The following FAM13C variants were observed in gnomAD, a reference collection of about 807,000 sequenced individuals.
The protein encoded by FAM13C is family with sequence similarity 13 member C.
FAM13C carries 37 observed loss-of-function variants against 73.2 expected under a neutral mutation model. The ratio of observed to expected loss-of-function variants is 0.51; its 90% CI spans 0.39 to 0.67. FAM13C has a LOEUF of 0.67. FAM13C is among the 30% of genes least tolerant of loss of function. The pLI is 0.00. For missense variants in FAM13C, 589 were observed against 715.6 expected (o/e 0.82, Z 2.02); for synonymous variants, 246 against 260.9 (o/e 0.94, Z 0.55).
chr10:59,317,126 ATGTGTGTGTG>A (rs5785374), intron 4 of FAM13C, among the ~76,000 whole-genome samples: 1 of 149,306 alleles, frequency 6.7e-6, no homozygotes, highest in African/African-American at 2.5e-5. Context: ...ACTATACATA[ATGTGTGTGTG>A]TGTGTGTGTG....
At chr10:59,301,735 T>A (rs1847627086) in intron 5 of FAM13C, among the ~76,000 whole-genome samples, 1 of 152,226 alleles carries the variant, frequency 6.6e-6, no homozygotes, top group Admixed American at 6.5e-5. Context: ...AAACTCTTTT[T>A]CACTCACTAC....
intron 3 of FAM13C, among the ~76,000 whole-genome samples, chr10:59,327,392 C>T (rs957412156): frequency 6.6e-6 from 1 of 152,132 alleles, no homozygotes; most frequent in East Asian, 1.9e-4. Context: ...GTATTTGCCT[C>T]TATAAGAGAT....
chr10:59,302,385 T>C lies in FAM13C; in HGVS notation c.507+416A>G, dbSNP rs558784175. On this transcript the variant is annotated intron_variant, in intron 5 of 13. Transcript: ENST00000618804. ...GAAAATCACATTGCAAACACTAAAC[T>C]ATATCATTCTTAGTGGATAAACAGT... 2.6e-5 allele frequency among the ~76,000 whole-genome samples: 4 copies of C among 152,360 alleles called. No homozygotes were observed. In the East Asian group the frequency reaches 7.7e-4, roughly 29 times the overall value.
At chr10:59,351,256 C>G (rs190435752) in intron 3 of FAM13C, among the ~76,000 whole-genome samples, 3 of 149,728 alleles carry the variant, frequency 2.0e-5, no homozygotes, top group African/African-American at 7.4e-5. Flanking sequence ...TCACTTGAAC[C>G]CGGCGGTGGA....
At chr10:59,288,180 A>G (rs1236193912) in intron 5 of FAM13C, among the ~76,000 whole-genome samples, 1 of 152,148 alleles carries the variant, frequency 6.6e-6, no homozygotes, top group Non-Finnish European at 1.5e-5. Flanking sequence ...TAATGCCATG[A>G]CCCAGTTATG....
intron 6 of FAM13C, among the ~76,000 whole-genome samples, chr10:59,280,833 T>C (rs148680003): frequency 6.6e-6 from 1 of 152,202 alleles, no homozygotes; most frequent in South Asian, 2.1e-4. Context: ...TAAACCCAAG[T>C]TAAAGCCAAT....
intron 3 of FAM13C, among the ~76,000 whole-genome samples, chr10:59,337,788 TC>T (rs1379443138): frequency 2.7e-5 from 4 of 147,402 alleles, no homozygotes; most frequent in African/African-American, 7.5e-5. Context: ...CAAGCAATTC[TC>T]CTGCCTCGGC....
chr10:59,362,541 C>T lies in FAM13C; in HGVS notation c.-81G>A, dbSNP rs1424907526. 1 of 1,572,504 alleles carries T rather than the reference C, an allele frequency of 6.4e-7. No individual in the cohort carries two copies. The highest frequency in any genetic ancestry group is 8.6e-7 in the Non-Finnish European group (1 of 1,158,090). ...CATACACAAACATGGCATTGCAAGG[C>T]AAGTCTCCGGGCTCGCCCGGCACGC... On this transcript the variant is annotated 5_prime_UTR_variant, in exon 1 of 14. Coordinates refer to ENST00000618804, the MANE Select transcript of FAM13C (RefSeq NM_198215.4).
intron 12 of FAM13C, among the ~76,000 whole-genome samples, chr10:59,252,447 A>C (rs1841485964): frequency 6.6e-6 from 1 of 152,088 alleles, no homozygotes; most frequent in Non-Finnish European, 1.5e-5. Flanking sequence ...ATTAAATTAA[A>C]TCTCATAATC....
At chr10:59,348,691 T>G (rs559016433) in intron 3 of FAM13C, among the ~76,000 whole-genome samples, 1 of 152,312 alleles carries the variant, frequency 6.6e-6, no homozygotes, top group East Asian at 1.9e-4. Context: ...CAGGCTGAAG[T>G]GCAGTGGCAT....
intron 5 of FAM13C, among the ~76,000 whole-genome samples, chr10:59,287,860 C>T (rs1845783616): frequency 6.6e-6 from 1 of 152,216 alleles, no homozygotes; most frequent in Non-Finnish European, 1.5e-5. Context: ...GGCCATGTGG[C>T]AAGGCTGTAC....
chr10:59,246,983 A>G lies in FAM13C; in HGVS notation c.*631T>C, dbSNP rs1030317096. The G allele has an allele frequency of 1.5e-4, 30 of 206,034 alleles. No homozygotes were observed. The highest frequency in any genetic ancestry group is 6.9e-4 in the African/African-American group (30 of 43,662). 12.8% of individuals were successfully genotyped at this position (206,034 alleles called of 1,614,324 possible). A position where few individuals can be genotyped will look rare whatever the true frequency, so the allele number is the denominator to read the frequency against. The stretch of plus-strand genomic sequence containing the variant: ...ACATGCTATCAGAATGAACTTTGGT[A>G]ACCAGAAATGTAAAATTTCAAATAA... On this transcript the variant is annotated 3_prime_UTR_variant, in exon 14 of 14. Coordinates refer to ENST00000618804, the MANE Select transcript of FAM13C (RefSeq NM_198215.4).
chr10:59,336,452 C>T (rs2134140657), intron 3 of FAM13C, among the ~76,000 whole-genome samples: 1 of 152,292 alleles, frequency 6.6e-6, no homozygotes, highest in Middle Eastern at 3.4e-3. Context: ...ATGACCACTG[C>T]TCACGGCTCA....
chr10:59,353,261 TG>T lies in FAM13C; in HGVS notation c.120-788del, dbSNP rs1855306143. 2.0e-5 allele frequency among the ~76,000 whole-genome samples: 3 copies of T among 152,182 alleles called. 1 individual carries two copies. In the South Asian group the frequency reaches 6.2e-4, roughly 32 times the overall value. On this transcript the variant is annotated intron_variant, in intron 2 of 13. Coordinates refer to ENST00000618804, the MANE Select transcript of FAM13C (RefSeq NM_198215.4). ...CCAGTTACAATTTTCTCAAAAATACTGACATGATAACACTCTTATTTGAAGC... is the reference window on the plus strand; with the variant it reads ...CCAGTTACAATTTTCTCAAAAATACTACATGATAACACTCTTATTTGAAGC...
intron 5 of FAM13C, among the ~76,000 whole-genome samples, chr10:59,286,737 A>G (rs899298397): frequency 6.6e-6 from 1 of 151,302 alleles, no homozygotes; most frequent in Non-Finnish European, 1.5e-5. Flanking sequence ...ACACACTTAA[A>G]AATGTTTAAA....
Position 59,352,475 on chromosome 10 carries a change from C to G in FAM13C, c.120-1G>C. On this transcript the variant is annotated splice_acceptor_variant, in intron 2 of 13. Coordinates refer to ENST00000618804, the MANE Select transcript of FAM13C (RefSeq NM_198215.4). LOFTEE classifies it high-confidence loss of function. ...GTAGTTCTCTTTATTGTTTTCATCT[C>G]TAAAACAGGAAAGACCCAATTTAGA... 6.3e-7 allele frequency: 1 copy of G among 1,599,414 alleles called. No homozygotes were observed. The highest frequency in any genetic ancestry group is 8.5e-7 in the Non-Finnish European group (1 of 1,173,306).
At chr10:59,340,386 T>C (rs1167163211) in intron 3 of FAM13C, among the ~76,000 whole-genome samples, 1 of 152,176 alleles carries the variant, frequency 6.6e-6, no homozygotes, top group Non-Finnish European at 1.5e-5. Context: ...AGCACAGAGT[T>C]GAGTACCTCT....
At chr10:59,347,292 T>C (rs1854425353) in intron 3 of FAM13C, among the ~76,000 whole-genome samples, 2 of 152,174 alleles carry the variant, frequency 1.3e-5, no homozygotes, top group Admixed American at 6.5e-5. Context: ...CATTCACGAA[T>C]ACACACAAAA....
At chr10:59,265,320 G>T (rs1344307662) in intron 8 of FAM13C, among the ~76,000 whole-genome samples, 2 of 31,656 alleles carry the variant, frequency 6.3e-5, no homozygotes, top group African/African-American at 3.1e-4. Flanking sequence ...AAGGGGTTTT[G>T]GCGGGGGGGG....
Sources: gnomAD v4.1 joint callset for allele counts (sites outside exome capture counted in the v4.1 genomes callset) on GRCh38, gnomAD v4.1.1 for gene constraint, MANE v1.5 for transcripts, NCBI Gene and HGNC (gene_info 2026-07-23, HGNC 2026-07-21) for gene names.